The following PCDHGA6 variants were observed in gnomAD, a reference collection of about 807,000 sequenced individuals.
PCDHGA6 encodes protocadherin gamma subfamily A, 6, also known as protocadherin gamma-A6.
A neutral mutation model predicts 60.6 loss-of-function variants in PCDHGA6; 41 were observed. That is an observed-to-expected ratio of 0.68 (90% CI 0.53 to 0.88). The LOEUF is 0.88. Among genes scored for constraint, PCDHGA6 ranks in the 40% least tolerant of loss-of-function variants. The pLI is 0.00. For synonymous variants in PCDHGA6, 594 were observed against 524.4 expected (o/e 1.13, Z -1.81); for missense variants, 1,312 against 1,203.0 (o/e 1.09, Z -1.34).
chr5:141,501,621 A>T (rs1348614977), intron 2 of PCDHGA6, among the ~76,000 whole-genome samples: 1 of 152,100 alleles, frequency 6.6e-6, no homozygotes, highest in Non-Finnish European at 1.5e-5. Context: ...ACTCTGGTAT[A>T]GTCTCTCAAC....
At position 141,431,007 on chromosome 5, in the gene PCDHGA6, G is replaced by C. The variant is rs149559471; in HGVS notation, c.2424+54500G>C. On this transcript the variant is annotated intron_variant, in intron 1 of 3. Transcript: ENST00000517434. This position sits in a 1 kb window ranked among gnomAD's most constrained non-coding sequence, Gnocchi z 4.8. Reference sequence around the variant, plus strand: ...TTCGCCCTGAATCCGCGCAGCGGCAGCTTGGTCACGGCGGGCAGGATAGAC... The same window carrying C: ...TTCGCCCTGAATCCGCGCAGCGGCACCTTGGTCACGGCGGGCAGGATAGAC... 10 of 1,614,050 alleles carry C rather than the reference G, an allele frequency of 6.2e-6. No homozygotes were observed. The highest frequency in any genetic ancestry group is 8.5e-6 in the Non-Finnish European group (10 of 1,180,018).
rs1160156030 is a variant in PCDHGA6 at position 141,477,238 on chromosome 5, C to T, written c.2425-17569C>T. 20 of 1,614,094 alleles carry T rather than the reference C, an allele frequency of 1.2e-5. No individual in the cohort carries two copies. The highest frequency in any genetic ancestry group is 5.0e-5 in the Admixed American group (3 of 60,006). The stretch of plus-strand genomic sequence containing the variant: ...CTCTGGGGACTGTCATCGCTTTGCT[C>T]AGTGTGACTGACCTGGATGCTGGCG... On this transcript the variant is annotated intron_variant, in intron 1 of 3. Transcript: ENST00000517434. This position sits in a 1 kb window ranked among gnomAD's most constrained non-coding sequence, Gnocchi z 4.9.
intron 1 of PCDHGA6, among the ~76,000 whole-genome samples, chr5:141,380,646 A>T (rs1221627488): frequency 6.6e-6 from 1 of 152,256 alleles, no homozygotes; most frequent in Non-Finnish European, 1.5e-5. Context: ...AATGCTAGAG[A>T]CAATGAAGCC....
intron 1 of PCDHGA6, among the ~76,000 whole-genome samples, chr5:141,450,062 A>G (rs546772416): frequency 1.1e-4 from 15 of 142,322 alleles, no homozygotes; most frequent in African/African-American, 4.0e-4. Flanking sequence ...GCTGGAATGC[A>G]GTGGTATGAT....
chr5:141,400,220 T>C, intron 1 of PCDHGA6: 1 of 1,614,006 alleles, frequency 6.2e-7, no homozygotes. Context: ...ATCTCAGTGC[T>C]CTTCCTCCTG....
chr5:141,410,809 G>C, intron 1 of PCDHGA6: 1 of 292,002 alleles, frequency 3.4e-6, no homozygotes, highest in Admixed American at 5.8e-5. Flanking sequence ...CTATCTTTTT[G>C]TAAAATAATG....
intron 1 of PCDHGA6, chr5:141,427,965 C>T: frequency 6.3e-7 from 1 of 1,590,342 alleles, no homozygotes; most frequent in Non-Finnish European, 8.6e-7. Flanking sequence ...GCCGCGGGTG[C>T]TGTACCCCGC....
At chr5:141,506,432 C>A (rs2099853359) in intron 3 of PCDHGA6, among the ~76,000 whole-genome samples, 1 of 132,482 alleles carries the variant, frequency 7.5e-6, no homozygotes, top group Non-Finnish European at 1.6e-5. Context: ...GGGCAACAGT[C>A]TCGCTCTGTC....
chr5:141,386,918 A>G (rs758924740), intron 1 of PCDHGA6, among the ~76,000 whole-genome samples: 8 of 152,206 alleles, frequency 5.3e-5, no homozygotes, highest in Non-Finnish European at 1.2e-4. Context: ...CAAGGAATGT[A>G]AAATAAGTGC....
chr5:141,416,819 G>A (rs952251457), intron 1 of PCDHGA6: 5 of 151,982 alleles, frequency 3.3e-5, no homozygotes, highest in African/African-American at 9.7e-5. Flanking sequence ...AAAGCATTCC[G>A]AAGTTTCTCA....
intron 1 of PCDHGA6, chr5:141,418,485 A>G (rs1216502936): frequency 6.2e-7 from 1 of 1,614,028 alleles, no homozygotes; most frequent in South Asian, 1.1e-5. Context: ...AGCGCTCACC[A>G]CTTGGTACTG....
intron 1 of PCDHGA6, among the ~76,000 whole-genome samples, chr5:141,468,946 C>T (rs1437282358): frequency 7.0e-6 from 1 of 141,900 alleles, no homozygotes; most frequent in East Asian, 2.0e-4. Context: ...ATGGGGTAAA[C>T]CTGTGGTTTT....
At chr5:141,383,501 A>G in intron 1 of PCDHGA6, 1 of 1,612,940 alleles carries the variant, frequency 6.2e-7, no homozygotes. Context: ...CGGGTGCTGG[A>G]CCGGGAGGAA....
chr5:141,442,164 C>A, intron 1 of PCDHGA6: 1 of 156,542 alleles, frequency 6.4e-6, no homozygotes, highest in Non-Finnish European at 1.4e-5. Context: ...GATCACTCTG[C>A]AAAGCTACAG....
rs539901154 is a variant in PCDHGA6, at chr5:141,413,036, T to C, written c.2424+36529T>C. 238 of 805,778 alleles carry C rather than the reference T, an allele frequency of 3.0e-4. 1 individual carries two copies. Among genetic ancestry groups the C allele is most frequent in the Non-Finnish European group, 4.2e-4 (226 of 532,568 alleles). 49.9% of individuals were successfully genotyped at this position (805,778 alleles called of 1,614,324 possible). On this transcript the variant is annotated intron_variant, in intron 1 of 3. Transcript: ENST00000517434. ...TACACAAGCCCCACAAACCGGCTGC[T>C]GGGCTGCAGGGAAGCTCACTCCAGA...
chr5:141,389,405 G>A (rs758428464), intron 1 of PCDHGA6: 16 of 1,613,614 alleles, frequency 9.9e-6, no homozygotes. Flanking sequence ...CCATAAGCGC[G>A]GAGAGCGGGG....
intron 1 of PCDHGA6, chr5:141,420,293 A>G: frequency 1.3e-6 from 2 of 1,485,602 alleles, no homozygotes; most frequent in Non-Finnish European, 9.1e-7. Context: ...TTAAAAATGT[A>G]TTTAATCCTT....
At chr5:141,427,333 T>C (rs1157500463) in intron 1 of PCDHGA6, 1 of 457,322 alleles carries the variant, frequency 2.2e-6, no homozygotes, top group Non-Finnish European at 4.4e-6. Context: ...TTTACTTCAG[T>C]GTCCAGTTCT....
rs756144117 is a variant in PCDHGA6, at chr5:141,485,181, G to A, written c.2425-9626G>A. On this transcript the variant is annotated intron_variant, in intron 1 of 3. Transcript: ENST00000517434. This position sits in a 1 kb window ranked among gnomAD's most constrained non-coding sequence, Gnocchi z 5.7. ...AATTAGCGGGCGGCAGCAATGCTCC[G>A]CAAGGTGAGAAGCTGGACAGAAATC... 3.1e-6 allele frequency: 5 copies of A among 1,612,942 alleles called. No individual in the cohort carries two copies. The South Asian group carries it at 4.4e-5, about 14-fold the overall frequency.
Sources: allele counts gnomAD v4.1 joint callset (sites outside exome capture counted in the v4.1 genomes callset), GRCh38; gene constraint gnomAD v4.1.1; non-coding constraint Gnocchi (gnomAD v3.1); transcripts MANE v1.5; gene names NCBI Gene and HGNC (gene_info 2026-07-23, HGNC 2026-07-21).